The following FHIT variants were observed in gnomAD, a reference collection of about 807,000 sequenced individuals.
FHIT encodes bis(5'-adenosyl)-triphosphatase.
In FHIT, 19 loss-of-function variants were observed where a neutral mutation model predicts 17.9. The ratio of observed to expected loss-of-function variants is 1.06; its 90% CI spans 0.74 to 1.56. FHIT has a LOEUF of 1.56. FHIT is among the 40% of genes most tolerant of loss of function. The pLI is 0.00. For synonymous variants in FHIT, 81 were observed against 69.7 expected (o/e 1.16, Z -0.81); for missense variants, 248 against 189.2 (o/e 1.31, Z -1.82).
intron 4 of FHIT, among the ~76,000 whole-genome samples, chr3:60,766,511 T>C (rs1263452518): frequency 1.3e-5 from 2 of 152,218 alleles, no homozygotes; most frequent in African/African-American, 4.8e-5. Context: ...TCTTCCTGTA[T>C]AGAAGCTAGG....
chr3:60,175,879 A>G (rs949096634), intron 5 of FHIT, among the ~76,000 whole-genome samples: 13 of 152,292 alleles, frequency 8.5e-5, no homozygotes, highest in African/African-American at 2.6e-4. Context: ...ACCATGACTC[A>G]GTCTGAAGTA....
At chr3:60,615,659 A>ATG (rs2038929172) in intron 4 of FHIT, among the ~76,000 whole-genome samples, 6 of 151,738 alleles carry the variant, frequency 4.0e-5, no homozygotes, top group Non-Finnish European at 5.9e-5. Context: ...CTATGTGTAC[A>ATG]ACCCTCTGCC....
chr3:60,556,294 G>A (rs17063494), intron 4 of FHIT, among the ~76,000 whole-genome samples: 2,054 of 152,286 alleles, frequency 0.013, 54 homozygotes, highest in African/African-American at 0.047. Context: ...GACAGACCCA[G>A]ATGCAGAGGA....
At chr3:60,316,941 T>C (rs921883936) in intron 5 of FHIT, among the ~76,000 whole-genome samples, 32 of 152,152 alleles carry the variant, frequency 2.1e-4, no homozygotes, top group Non-Finnish European at 2.9e-4. Context: ...TCCTAATCGA[T>C]TGAAATAAAA....
At chr3:59,812,723 T>G (rs966426749) in intron 8 of FHIT, among the ~76,000 whole-genome samples, 1 of 152,200 alleles carries the variant, frequency 6.6e-6, no homozygotes, top group East Asian at 1.9e-4. Flanking sequence ...TTGTTAATCC[T>G]CTAAGCATTA....
chr3:60,271,085 C>A (rs1038976712), intron 5 of FHIT, among the ~76,000 whole-genome samples: 4 of 152,144 alleles, frequency 2.6e-5, no homozygotes, highest in Non-Finnish European at 5.9e-5. Flanking sequence ...CTGCTGCCCA[C>A]CTTTGAAGTC....
At chr3:60,932,772 C>T (rs565683535) in intron 3 of FHIT, among the ~76,000 whole-genome samples, 5 of 152,178 alleles carry the variant, frequency 3.3e-5, no homozygotes, top group Non-Finnish European at 2.9e-5. Context: ...CTTCCAACCT[C>T]TCAGTTTTGG....
intron 3 of FHIT, among the ~76,000 whole-genome samples, chr3:60,941,148 A>T (rs1183260663): frequency 6.6e-6 from 1 of 152,208 alleles, no homozygotes; most frequent in Non-Finnish European, 1.5e-5. Context: ...TGTATATTCC[A>T]CTTACAGCAT....
intron 3 of FHIT, among the ~76,000 whole-genome samples, chr3:61,038,484 T>G (rs2033360095): frequency 6.6e-6 from 1 of 152,196 alleles, no homozygotes; most frequent in Admixed American, 6.5e-5. Context: ...ATGTTTGAAT[T>G]TGTTTGAATA....
At chr3:60,000,939 C>A (rs1393070490) in intron 7 of FHIT, among the ~76,000 whole-genome samples, 1 of 152,192 alleles carries the variant, frequency 6.6e-6, no homozygotes, top group Non-Finnish European at 1.5e-5. Flanking sequence ...CTCATTCCCA[C>A]TGCCATTTCC....
chr3:61,159,365 G>A (rs2037623474), intron 2 of FHIT, among the ~76,000 whole-genome samples: 5 of 152,132 alleles, frequency 3.3e-5, no homozygotes, highest in Admixed American at 6.6e-5. Context: ...CTGCAGAGAC[G>A]AAGTCCCACA....
At chr3:60,093,896 G>T (rs1703833658) in intron 5 of FHIT, among the ~76,000 whole-genome samples, 2 of 152,106 alleles carry the variant, frequency 1.3e-5, no homozygotes, top group South Asian at 4.1e-4. Flanking sequence ...GCCTACTACA[G>T]GCATCAATGT....
At chr3:60,521,382 G>C (rs1378131796) in intron 5 of FHIT, among the ~76,000 whole-genome samples, 3 of 151,968 alleles carry the variant, frequency 2.0e-5, no homozygotes, top group Admixed American at 2.0e-4. Context: ...CGAGTAGCTG[G>C]GACTACAGGC....
At chr3:60,077,027 C>G (rs1293551151) in intron 5 of FHIT, among the ~76,000 whole-genome samples, 3 of 151,690 alleles carry the variant, frequency 2.0e-5, no homozygotes, top group African/African-American at 7.3e-5. Flanking sequence ...TAAGAAATAA[C>G]TGATTAAATA....
intron 5 of FHIT, among the ~76,000 whole-genome samples, chr3:60,095,221 A>T (rs1021277793): frequency 6.6e-6 from 1 of 152,196 alleles, no homozygotes; most frequent in Non-Finnish European, 1.5e-5. Flanking sequence ...CGGAGGCAAA[A>T]CTTCTAGGAT....
At chr3:61,173,273 G>GA (rs879936472) in intron 2 of FHIT, among the ~76,000 whole-genome samples, 3,587 of 148,530 alleles carry the variant, frequency 0.024, 54 homozygotes, top group Non-Finnish European at 0.037. Flanking sequence ...CTGCTGAAAA[G>GA]AAAAAAAAAA....
chr3:60,873,492 G>A (rs981715391), intron 3 of FHIT, among the ~76,000 whole-genome samples: 13 of 152,108 alleles, frequency 8.5e-5, no homozygotes, highest in African/African-American at 2.2e-4. Flanking sequence ...GTGTTCTCCC[G>A]ACAAAGGGCC....
Position 60,998,531 on chromosome 3 carries a change from C to G in FHIT, c.-111+43516G>C, listed in dbSNP as rs537975421. The stretch of plus-strand genomic sequence containing the variant: ...AAGTCTACTTTTATTAATCCCCTCC[C>G]TACCCCTAATTGAGCTAATTTGAAC... On this transcript the variant is annotated intron_variant, in intron 3 of 9. Transcript: ENST00000492590. Among the ~76,000 whole-genome samples, 74 of 152,208 alleles carry G rather than the reference C, an allele frequency of 4.9e-4. No homozygotes were observed. The East Asian group carries it at 0.012, about 24-fold the overall frequency.
At chr3:60,322,543 C>T (rs1709481237) in intron 5 of FHIT, among the ~76,000 whole-genome samples, 2 of 152,158 alleles carry the variant, frequency 1.3e-5, no homozygotes, top group Admixed American at 6.5e-5. Flanking sequence ...CAGGTTCACC[C>T]AGTTGGTAAA....
Sources: gnomAD v4.1 joint callset for allele counts (sites outside exome capture counted in the v4.1 genomes callset) on GRCh38, gnomAD v4.1.1 for gene constraint, MANE v1.5 for transcripts, NCBI Gene and HGNC (gene_info 2026-07-23, HGNC 2026-07-21) for gene names.